Variants in MYOM1 observed in about 807,000 individuals in gnomAD.
MYOM1 encodes the protein myomesin-1.
A neutral mutation model predicts 205.3 loss-of-function variants in MYOM1; 164 were observed. The ratio of observed to expected loss-of-function variants is 0.80; its 90% confidence interval spans 0.70 to 0.91. The LOEUF (loss-of-function observed/expected upper bound fraction) is 0.91. Among genes scored for constraint, MYOM1 ranks in the 40% least tolerant of loss-of-function variants. The pLI is 0.00. For synonymous variants in MYOM1, 772 were observed against 789.4 expected (o/e 0.98, Z 0.37); for missense variants, 2,011 against 2,127.3 (o/e 0.95, Z 1.08).
chr18:3,193,745 A>G, intron 3 of MYOM1, 73 bp downstream of exon 3: 1 of 1,427,624 alleles, frequency 7.0e-7, no homozygotes, highest in Non-Finnish European at 9.5e-7. Flanking sequence ...AATTATGACT[A>G]TAATCTGCCA....
intron 2 of MYOM1, among the ~76,000 whole-genome samples, chr18:3,204,755 C>T (rs957665317): frequency 6.6e-6 from 1 of 151,828 alleles, no homozygotes; most frequent in Non-Finnish European, 1.5e-5. Context: ...TATGAAGGAA[C>T]GACATAGGCA....
At chr18:3,163,868 T>C (rs1402146303) in intron 10 of MYOM1, among the ~76,000 whole-genome samples, 1 of 151,956 alleles carries the variant, frequency 6.6e-6, no homozygotes, top group Non-Finnish European at 1.5e-5. Flanking sequence ...TGTTTTGTTT[T>C]TTGAGACGGG....
the MYOM1 span, among the ~76,000 whole-genome samples, chr18:3,245,585 T>C: frequency 1.3e-5 from 2 of 152,184 alleles, no homozygotes; most frequent in African/African-American, 4.8e-5. Flanking sequence ...TTTTTCCACA[T>C]TGGTTGACTA....
In MYOM1 at chr18:3,135,033, C is replaced by G; in HGVS notation, c.2210-209G>C. 2.1e-6 allele frequency: 1 copy of G among 486,628 alleles called. No homozygotes were observed. Among genetic ancestry groups the G allele is most frequent in the Non-Finnish European group, 3.7e-6 (1 of 271,340 alleles). The allele number at this position is 486,628 out of a possible 1,614,324, so 30.1% of individuals were successfully genotyped here. On this transcript the variant is annotated intron_variant, in intron 15 of 37. Transcript: ENST00000356443. The surrounding 1 kb of genome is among the most constrained non-coding windows in gnomAD (Gnocchi z 4.1). Reference sequence around the variant, plus strand: ...GCGGGATCTCGGCTCACTGCAGCCCCCACCTCCTGGGTTCAGGCAATTTTC... The same window carrying G: ...GCGGGATCTCGGCTCACTGCAGCCCGCACCTCCTGGGTTCAGGCAATTTTC...
At chr18:3,205,715 G>C (rs1567967906) in intron 2 of MYOM1, among the ~76,000 whole-genome samples, 2 of 152,156 alleles carry the variant, frequency 1.3e-5, no homozygotes, top group Non-Finnish European at 2.9e-5. Flanking sequence ...ATTTCAGAAA[G>C]TGCACGAGAA....
chr18:3,243,092 T>C, the MYOM1 span, among the ~76,000 whole-genome samples: 1 of 152,210 alleles, frequency 6.6e-6, no homozygotes, highest in Non-Finnish European at 1.5e-5. Context: ...CTAAAGTTTT[T>C]TAAAAAGCAA....
At chr18:3,081,405 A>C (rs2079085115) in intron 33 of MYOM1, among the ~76,000 whole-genome samples, 1 of 152,234 alleles carries the variant, frequency 6.6e-6, no homozygotes, top group Admixed American at 6.5e-5. Context: ...TCTATGCCAC[A>C]TACAGACAGC....
Position 3,075,777 on chromosome 18 carries a change from G to T in MYOM1, c.4649-16C>A. The T allele has an allele frequency of 6.4e-7, 1 of 1,568,298 alleles. No individual in the cohort carries two copies. Among genetic ancestry groups the T allele is most frequent in the South Asian group, 1.2e-5 (1 of 85,614 alleles). On this transcript the variant is annotated splice_polypyrimidine_tract_variant and intron_variant, in intron 34 of 37. Transcript: ENST00000356443. ...TCATCGTATGCTTTAAAAGAAAAAA[G>T]AAAAGTTAGAATTTTCTCACCCAGA...
intron 1 of MYOM1, among the ~76,000 whole-genome samples, chr18:3,215,834 A>C (rs1007274328): frequency 1.3e-5 from 2 of 152,064 alleles, no homozygotes; most frequent in African/African-American, 4.8e-5. Flanking sequence ...TTCATAATAC[A>C]TATTTCTAAT....
chr18:3,095,467 C>T (rs1316124848), intron 25 of MYOM1, among the ~76,000 whole-genome samples: 1 of 152,134 alleles, frequency 6.6e-6, no homozygotes, highest in Admixed American at 6.5e-5. Flanking sequence ...ACTCAAGAGG[C>T]TGAGGCAGGA....
chr18:3,090,723 G>C lies in MYOM1; in HGVS notation c.3944C>G (p.Thr1315Arg), dbSNP rs748195985. ...MEKLQDEDEG[T>R]YTFQLQDGKA... is the part of the protein sequence containing the mutation. ...TCCATCTTGAAGCTGGAAAGTGTAC[G>C]TTCCCTCATCCTCATCCTGTAGCTT... Residue 1315 changes from threonine to arginine, a missense_variant, in exon 27 of 38, where the codon ACG becomes AGG. By Grantham distance (71) the Thr-to-Arg change is moderately conservative (BLOSUM62 -1). Transcript: ENST00000356443. The C allele has an allele frequency of 1.5e-5, 25 of 1,613,842 alleles. No individual in the cohort carries two copies. The highest frequency in any genetic ancestry group is 1.6e-4 in the Middle Eastern group (1 of 6,062).
rs1018439343 is a variant in MYOM1 at position 3,215,150 on chromosome 18, G to T, written c.74C>A (p.Thr25Asn). 1.4e-5 allele frequency: 22 copies of T among 1,613,692 alleles called. No individual in the cohort carries two copies. Among genetic ancestry groups the T allele is most frequent in the Middle Eastern group, 1.6e-4 (1 of 6,084 alleles). Residue 25 changes from threonine (T) to asparagine (N), a missense_variant, in exon 2 of 38, where the codon ACC (threonine) becomes AAC (asparagine). By Grantham distance (65) the Thr-to-Asn change is moderately conservative. Coordinates refer to ENST00000356443, the MANE Select transcript of MYOM1 (RefSeq NM_003803.4). ...CTTCTCCCGCTGGTAGTGACTCACG[G>T]TGCTGCGCACGTCCTTGTTGCGGTA... is the stretch of plus-strand genomic sequence containing the variant. ...LSYRNKDVRS[T>N]VSHYQREKKR... is the part of the protein sequence containing the mutation.
chr18:3,199,213 G>A (rs970692115), intron 2 of MYOM1, among the ~76,000 whole-genome samples: 3 of 152,306 alleles, frequency 2.0e-5, no homozygotes, highest in Admixed American at 6.5e-5. Flanking sequence ...GGGGAACAAT[G>A]TGATAAAACC....
chr18:3,225,664 G>A, the MYOM1 span, among the ~76,000 whole-genome samples: 2 of 152,130 alleles, frequency 1.3e-5, no homozygotes, highest in Non-Finnish European at 2.9e-5. Context: ...AATGGGCAGC[G>A]TCTTAAATGC....
intron 23 of MYOM1, 27 bp from the exon 24 acceptor site, chr18:3,100,453 A>T (rs771756296): frequency 6.4e-7 from 1 of 1,555,878 alleles, no homozygotes; most frequent in Admixed American, 1.7e-5. Flanking sequence ...TTTTCTTAGA[A>T]ATGAGGCTGT....
At chr18:3,111,845 G>T (rs1464014188) in intron 22 of MYOM1, among the ~76,000 whole-genome samples, 3 of 152,168 alleles carry the variant, frequency 2.0e-5, no homozygotes, top group African/African-American at 7.2e-5. Context: ...CACAGAAAAA[G>T]TTTGCTGACC....
intron 22 of MYOM1, among the ~76,000 whole-genome samples, chr18:3,110,825 T>A (rs2079515821): frequency 6.6e-6 from 1 of 151,398 alleles, no homozygotes; most frequent in Non-Finnish European, 1.5e-5. Context: ...TGGAGTTGAG[T>A]CCAGATAGCA....
chr18:3,237,975 G>A, the MYOM1 span, among the ~76,000 whole-genome samples: 12,057 of 152,232 alleles, frequency 0.079, 525 homozygotes, highest in African/African-American at 0.11. Flanking sequence ...TCCAGGGACT[G>A]GGGCAGGGGT....
At chr18:3,217,644 C>T (rs755480783) in intron 1 of MYOM1, among the ~76,000 whole-genome samples, 5 of 151,914 alleles carry the variant, frequency 3.3e-5, no homozygotes, top group East Asian at 1.9e-4. Flanking sequence ...CCATTGTACA[C>T]GGAAAAGAAA....
Sources: allele counts gnomAD v4.1 joint callset (sites outside exome capture counted in the v4.1 genomes callset), GRCh38; gene constraint gnomAD v4.1.1; non-coding constraint Gnocchi (gnomAD v3.1); transcripts MANE v1.5; gene names NCBI Gene and HGNC (gene_info 2026-07-23, HGNC 2026-07-21).